COL5A2: variants seen among roughly 807,000 people sequenced by gnomAD.
COL5A2 encodes collagen type V alpha 2 chain.
A neutral mutation model predicts 208.2 loss-of-function variants in COL5A2; 23 were observed. That is an observed-to-expected ratio of 0.11 (90% confidence interval 0.08 to 0.16). The LOEUF (loss-of-function observed/expected upper bound fraction) is 0.16, where lower values mean the gene tolerates loss of function less well. Among genes scored for constraint, COL5A2 ranks in the 10% least tolerant of loss-of-function variants. The pLI is 1.00. For missense variants in COL5A2, 1,590 were observed against 1,956.4 expected (o/e 0.81, Z 3.53); for synonymous variants, 625 against 628.5 (o/e 0.99, Z 0.08).
intron 1 of COL5A2, among the ~76,000 whole-genome samples, chr2:189,133,302 G>T (rs62182418): frequency 0.77 from 115,515 of 150,270 alleles, 47,737 homozygotes; most frequent in Non-Finnish European, 0.91. Flanking sequence ...TGTATTTTTA[G>T]TAGAGACGGG....
At chr2:189,322,262 A>G in the COL5A2 span, among the ~76,000 whole-genome samples, 163 of 152,342 alleles carry the variant, frequency 1.1e-3, no homozygotes, top group African/African-American at 3.6e-3. Context: ...ATCACAATTA[A>G]AAGAACTAGA....
chr2:189,181,522 C>T (rs1688778801), upstream of COL5A2, among the ~76,000 whole-genome samples: 1 of 152,084 alleles, frequency 6.6e-6, no homozygotes, highest in Non-Finnish European at 1.5e-5. Flanking sequence ...AGGAATTAAC[C>T]TTTCTCTGAG....
chr2:189,290,717 T>TACACACACACACACAC, the COL5A2 span, among the ~76,000 whole-genome samples: 674 of 136,592 alleles, frequency 4.9e-3, 7 homozygotes, highest in African/African-American at 7.8e-3. Context: ...TTTTTGTTAA[T>TACACACACACACACAC]ACACACACAC....
chr2:189,077,355 A>G (rs1686429445), intron 16 of COL5A2, among the ~76,000 whole-genome samples: 1 of 152,188 alleles, frequency 6.6e-6, no homozygotes, highest in South Asian at 2.1e-4. Context: ...TTGGTCCTGA[A>G]GATACTGTAT....
Position 189,068,080 on chromosome 2 carries a change from C to G in COL5A2, c.1336G>C (p.Ala446Pro). ...GGTCCTGGAGATCCAGGAGGCCCTG[C>G]TGAGCCAGGAGGACCAGAGGTACCT... ...SPGTSGPPGS[A>P]GPPGSPGPQG... The change falls in exon 21 of 54, where the codon GCA becomes CCA. Residue 446 changes from alanine to proline, a missense_variant. Physicochemically the swap from Ala to Pro is conservative, Grantham distance 27. Coordinates refer to ENST00000374866, the MANE Select transcript of COL5A2 (RefSeq NM_000393.5). The G allele has an allele frequency of 6.2e-7, 1 of 1,614,038 alleles. No individual in the cohort carries two copies. The highest frequency in any genetic ancestry group is 8.5e-7 in the Non-Finnish European group (1 of 1,179,972).
the COL5A2 span, among the ~76,000 whole-genome samples, chr2:189,435,252 C>A: frequency 1.3e-5 from 2 of 151,938 alleles, no homozygotes; most frequent in African/African-American, 4.8e-5. Flanking sequence ...ATACCATTCA[C>A]GACATAGGCA....
chr2:189,337,899 G>A, the COL5A2 span, among the ~76,000 whole-genome samples: 1 of 151,948 alleles, frequency 6.6e-6, no homozygotes, highest in Non-Finnish European at 1.5e-5. Context: ...GTTCCTGTTT[G>A]CATTCTGCAG....
the COL5A2 span, among the ~76,000 whole-genome samples, chr2:189,359,262 G>T: frequency 0.025 from 3,811 of 152,062 alleles, 171 homozygotes; most frequent in African/African-American, 0.088. Context: ...TATCTAATTT[G>T]CTGAGAGTTT....
chr2:189,072,081 T>A lies in COL5A2; in HGVS notation c.1117A>T (p.Ile373Leu), dbSNP rs1481888888. ...CCTGGAAAACCAGAAGAGCCTGGTA[T>A]CCCAAGAGGACCCTATTAAAAGAAA... is the stretch of plus-strand genomic sequence containing the variant. ...GKPGPMGPLG[I>L]PGSSGFPGNP... The change falls in exon 18 of 54, where the codon ATA becomes TTA. Residue 373 changes from isoleucine (I) to leucine (L), a missense_variant. Physicochemically the swap from Ile to Leu is conservative, Grantham distance 5. Transcript: ENST00000374866. The A allele has an allele frequency of 1.2e-6, 2 of 1,608,546 alleles. No individual in the cohort carries two copies. Among genetic ancestry groups the A allele is most frequent in the Non-Finnish European group, 1.7e-6 (2 of 1,176,224 alleles).
chr2:189,092,852 C>T (rs927195111), intron 6 of COL5A2, among the ~76,000 whole-genome samples: 9 of 152,114 alleles, frequency 5.9e-5, no homozygotes, highest in Non-Finnish European at 1.2e-4. Flanking sequence ...CTTAACTTCT[C>T]CCTTCCCCCC....
chr2:189,411,889 A>G, the COL5A2 span, among the ~76,000 whole-genome samples: 1 of 152,334 alleles, frequency 6.6e-6, no homozygotes, highest in Non-Finnish European at 1.5e-5. Context: ...ACAGTTTCCC[A>G]GGAATGAATT....
chr2:189,145,392 G>A (rs1001248660), intron 1 of COL5A2, among the ~76,000 whole-genome samples: 1 of 152,090 alleles, frequency 6.6e-6, no homozygotes, highest in South Asian at 2.1e-4. Flanking sequence ...GTAAAATACA[G>A]TAATGCAAAT....
chr2:189,201,513 C>A (rs1689067796), intron 1 of COL5A2, among the ~76,000 whole-genome samples: 2 of 151,466 alleles, frequency 1.3e-5, no homozygotes, highest in African/African-American at 2.4e-5. Context: ...AATTAGAATC[C>A]TAGAAGGAGG....
intron 1 of COL5A2, among the ~76,000 whole-genome samples, chr2:189,168,517 T>C (rs898415113): frequency 5.9e-5 from 9 of 152,184 alleles, no homozygotes; most frequent in African/African-American, 1.9e-4. Context: ...TTTCCATTTA[T>C]TTAATATAAA....
intron 1 of COL5A2, among the ~76,000 whole-genome samples, chr2:189,215,783 A>T (rs1426640149): frequency 1.3e-5 from 2 of 152,162 alleles, no homozygotes; most frequent in African/African-American, 4.8e-5. Context: ...ATTCATCAAA[A>T]TTCAATTCTA....
chr2:189,217,106 A>G (rs1225824322), intron 1 of COL5A2, among the ~76,000 whole-genome samples: 1 of 152,174 alleles, frequency 6.6e-6, no homozygotes, highest in African/African-American at 2.4e-5. Flanking sequence ...ATTATTTAAG[A>G]ATGAAGATTC....
chr2:189,034,247 T>C lies in COL5A2; in HGVS notation c.4354-31A>G, dbSNP rs79933733. On this transcript the variant is annotated intron_variant, in intron 53 of 53. Transcript: ENST00000374866. ...ATTAAATGATGCAATGGGTTAAATG[T>C]ACATACAATTTTTTCCAAGTATGTT... The C allele has an allele frequency of 8.5e-5, 137 of 1,613,138 alleles. No homozygotes were observed. In the East Asian group the frequency reaches 3.0e-3, roughly 35 times the overall value.
the COL5A2 span, among the ~76,000 whole-genome samples, chr2:189,375,644 A>G: frequency 6.6e-6 from 1 of 152,220 alleles, no homozygotes; most frequent in Non-Finnish European, 1.5e-5. Flanking sequence ...GAGTACACGT[A>G]TAGGTCTGGA....
At chr2:189,302,217 A>G in the COL5A2 span, among the ~76,000 whole-genome samples, 1 of 152,184 alleles carries the variant, frequency 6.6e-6, no homozygotes, top group African/African-American at 2.4e-5. Context: ...TGATTTTCCT[A>G]TGAATCACAT....
Sources: allele counts gnomAD v4.1 joint callset (sites outside exome capture counted in the v4.1 genomes callset), GRCh38; gene constraint gnomAD v4.1.1; transcripts MANE v1.5; gene names NCBI Gene and HGNC (gene_info 2026-07-23, HGNC 2026-07-21).